TRPS1: variants seen among roughly 807,000 people sequenced by gnomAD.
TRPS1 encodes the protein transcriptional repressor GATA binding 1.
In TRPS1, 6 loss-of-function variants were observed where a neutral mutation model predicts 101.2. That is an observed-to-expected ratio of 0.06 (90% CI 0.03 to 0.12). The LOEUF is 0.12. Among genes scored for constraint, TRPS1 ranks in the 10% least tolerant of loss-of-function variants. The pLI, the probability that TRPS1 is intolerant of heterozygous loss-of-function variation, is 1.00. For missense variants in TRPS1, 1,363 were observed against 1,567.0 expected (o/e 0.87, Z 2.20); for synonymous variants, 578 against 589.8 (o/e 0.98, Z 0.29).
intron 1 of TRPS1, among the ~76,000 whole-genome samples, chr8:115,643,604 A>C (rs1818951634): frequency 6.6e-6 from 1 of 152,212 alleles, no homozygotes. Flanking sequence ...CCACATCTGC[A>C]CTTACTTCCT....
chr8:115,550,304 G>A (rs959699802), intron 5 of TRPS1, among the ~76,000 whole-genome samples: 2 of 152,114 alleles, frequency 1.3e-5, no homozygotes, highest in Non-Finnish European at 2.9e-5. Flanking sequence ...AACAAAAGAG[G>A]GGCAGCTGTG....
intron 5 of TRPS1, among the ~76,000 whole-genome samples, chr8:115,440,731 G>A (rs1813572810): frequency 6.6e-6 from 1 of 152,110 alleles, no homozygotes; most frequent in Admixed American, 6.5e-5. Context: ...CATTTGCAGA[G>A]TATATACAGT....
chr8:115,489,425 G>A (rs1814967076), intron 5 of TRPS1, among the ~76,000 whole-genome samples: 1 of 152,110 alleles, frequency 6.6e-6, no homozygotes, highest in African/African-American at 2.4e-5. Context: ...TTTTCGTGCA[G>A]TATGAAATCT....
chr8:115,474,789 G>C (rs1031139093), intron 5 of TRPS1, among the ~76,000 whole-genome samples: 1 of 152,040 alleles, frequency 6.6e-6, no homozygotes, highest in East Asian at 1.9e-4. Context: ...GAGAGGGCAG[G>C]TGGGAATATT....
At chr8:115,668,048 C>T in intron 1 of TRPS1, 2 of 596,480 alleles carry the variant, frequency 3.4e-6, no homozygotes, top group Non-Finnish European at 5.7e-6. Flanking sequence ...AGTGGGGCTG[C>T]GAGGGGGAGG....
chr8:115,414,954 T>G lies in TRPS1; in HGVS notation c.2954A>C (p.Glu985Ala). ...QLNKQQRGSN[E>A]EQVNGSPLER... ...TAACGGGCTTCCATTGACTTGCTCCTCATTGCTGCCCCTCTGCTGTTTGTT... is the reference window on the plus strand; with the variant it reads ...TAACGGGCTTCCATTGACTTGCTCCGCATTGCTGCCCCTCTGCTGTTTGTT... Residue 985 changes from glutamate to alanine, a missense_variant, in exon 7 of 7, where the codon GAG (glutamate) becomes GCG (alanine). Physicochemically the swap from Glu to Ala is moderately radical, Grantham distance 107. Around this residue, in one of 5 missense-constraint regions of TRPS1, gnomAD observed 307 missense variants for 392.4 expected, o/e 0.78. Transcript: ENST00000395715. The surrounding 1 kb of genome is among the most constrained non-coding windows in gnomAD (Gnocchi z 4.8). The G allele has an allele frequency of 2.5e-6, 4 of 1,591,494 alleles. No individual in the cohort carries two copies. The highest frequency in any genetic ancestry group is 2.6e-6 in the Non-Finnish European group (3 of 1,169,676).
chr8:115,505,448 G>T (rs1316198350), intron 5 of TRPS1, among the ~76,000 whole-genome samples: 1 of 151,994 alleles, frequency 6.6e-6, no homozygotes, highest in Non-Finnish European at 1.5e-5. Context: ...ATTTTTTCAT[G>T]TTTGAGACAA....
chr8:115,592,371 G>C (rs1464849871), intron 4 of TRPS1, among the ~76,000 whole-genome samples: 1 of 152,064 alleles, frequency 6.6e-6, no homozygotes, highest in African/African-American at 2.4e-5. Flanking sequence ...AACTCCCAAG[G>C]CTTTAATAAA....
In TRPS1 at chr8:115,667,844, T is replaced by C. The variant is rs1586512206; in HGVS notation, c.-122+701A>G. 11 of 1,528,240 alleles carry C rather than the reference T, an allele frequency of 7.2e-6. No individual in the cohort carries two copies. The African/African-American group carries it at 1.2e-4, about 17-fold the overall frequency. The allele number at this position is 1,528,240 out of a possible 1,614,324, so 94.7% of individuals were successfully genotyped here. ...ATACGGAGGCCCGTCTCTGAGACCC[T>C]CCCGACCCTCCCGAGTTCGCCCAAC... On this transcript the variant is annotated intron_variant, in intron 1 of 6. Coordinates refer to ENST00000395715, the MANE Select transcript of TRPS1 (RefSeq NM_014112.5).
chr8:115,498,415 CTATATATATATATATATATA>C (rs67505193), intron 5 of TRPS1, among the ~76,000 whole-genome samples: 8 of 39,296 alleles, frequency 2.0e-4, no homozygotes, highest in African/African-American at 8.8e-4. Context: ...CTCTCTCTCT[CTATATATATATATATATATA>C]TATATATATA....
chr8:115,657,051 T>G (rs749164147), intron 1 of TRPS1, among the ~76,000 whole-genome samples: 8 of 152,168 alleles, frequency 5.3e-5, no homozygotes, highest in Non-Finnish European at 8.8e-5. Flanking sequence ...TATTTCGTTT[T>G]AAAAATCTAA....
chr8:115,418,221 AC>A lies in TRPS1; in HGVS notation c.2823+108del. The A allele has an allele frequency of 6.3e-7, 1 of 1,586,572 alleles. No individual in the cohort carries two copies. On this transcript the variant is annotated intron_variant, in intron 6 of 6. Transcript: ENST00000395715. This position sits in a 1 kb window ranked among gnomAD's most constrained non-coding sequence, Gnocchi z 4.3. The stretch of plus-strand genomic sequence containing the variant: ...CACTCAAAGTGACTGTATTAAAACA[AC>A]CCTGCGGGGGCAGGCACTGCAAGCC...
intron 5 of TRPS1, among the ~76,000 whole-genome samples, chr8:115,517,280 T>C (rs992352163): frequency 1.3e-5 from 2 of 151,706 alleles, no homozygotes; most frequent in African/African-American, 4.8e-5. Context: ...GCTTCACTTT[T>C]AACAAGCCCC....
chr8:115,667,942 C>A, intron 1 of TRPS1: 1 of 1,531,430 alleles, frequency 6.5e-7, no homozygotes, highest in Non-Finnish European at 8.7e-7. Flanking sequence ...GCAGTGGCGG[C>A]GGCGGCGGCG....
At chr8:115,478,147 A>G (rs1281941849) in intron 5 of TRPS1, among the ~76,000 whole-genome samples, 1 of 152,220 alleles carries the variant, frequency 6.6e-6, no homozygotes, top group African/African-American at 2.4e-5. Flanking sequence ...TAGATGCCTC[A>G]AAAGATACAG....
At position 115,587,166 on chromosome 8, in the gene TRPS1, A is replaced by G. The variant is rs1271913026; in HGVS notation, c.2535T>C (p.Asn845=). The G allele has an allele frequency of 6.2e-7, 1 of 1,614,194 alleles. No homozygotes were observed. Among genetic ancestry groups the G allele is most frequent in the Admixed American group, 1.7e-5 (1 of 60,032 alleles). ...EQTKTLRDSP[N]VEAAHLARPI... ...GTCGCGCCAGATGGGCGGCCTCCAC[A>G]TTGGGACTATCCCTTAGAGTCTTTG... The change falls in exon 5 of 7, where the codon AAT becomes AAC. Residue 845 remains asparagine, a synonymous_variant. Transcript: ENST00000395715.
At chr8:115,521,677 C>A (rs1296375360) in intron 5 of TRPS1, among the ~76,000 whole-genome samples, 3 of 151,686 alleles carry the variant, frequency 2.0e-5, no homozygotes, top group Non-Finnish European at 2.9e-5. Flanking sequence ...ATAAAAAACA[C>A]CTGTATTTAA....
intron 5 of TRPS1, among the ~76,000 whole-genome samples, chr8:115,460,390 T>C (rs879380180): frequency 1.5e-4 from 23 of 152,224 alleles, no homozygotes; most frequent in South Asian, 4.1e-4. Flanking sequence ...AGATTAAGAT[T>C]GATATTTGAA....
chr8:115,626,538 A>G (rs937230407), intron 1 of TRPS1, among the ~76,000 whole-genome samples: 1 of 151,722 alleles, frequency 6.6e-6, no homozygotes. Flanking sequence ...ATCCATTTCT[A>G]TTTAATTTGC....
Sources: allele counts gnomAD v4.1 joint callset (sites outside exome capture counted in the v4.1 genomes callset), GRCh38; gene constraint gnomAD v4.1.1; regional missense constraint gnomAD v4.1.1; non-coding constraint Gnocchi (gnomAD v3.1); transcripts MANE v1.5; gene names NCBI Gene and HGNC (gene_info 2026-07-23, HGNC 2026-07-21).